Variants in SNTG1 observed in about 807,000 individuals in gnomAD.
The protein encoded by SNTG1 is syntrophin gamma 1, also known as gamma-1-syntrophin.
SNTG1 carries 39 observed loss-of-function variants against 74.7 expected under a neutral mutation model. The observed-to-expected ratio is 0.52, with a 90% CI of 0.40 to 0.68. The LOEUF (loss-of-function observed/expected upper bound fraction) is 0.68. SNTG1 is among the 30% of genes least tolerant of loss of function. The pLI is 0.00. For missense variants in SNTG1, 685 were observed against 609.5 expected, an observed-to-expected ratio of 1.12 and a Z score of -1.30; for synonymous variants, 254 against 217.1, an observed-to-expected ratio of 1.17 and a Z score of -1.49.
At chr8:50,188,744 A>C (rs757878247) in intron 2 of SNTG1, among the ~76,000 whole-genome samples, 2 of 152,064 alleles carry the variant, frequency 1.3e-5, no homozygotes, top group Non-Finnish European at 2.9e-5. Flanking sequence ...TTCACAATGG[A>C]CTATCTATTA....
intron 1 of SNTG1, among the ~76,000 whole-genome samples, chr8:49,978,503 T>A (rs1812389371): frequency 6.6e-6 from 1 of 152,214 alleles, no homozygotes. Context: ...CCTTCATTCA[T>A]GGCCACGATC....
At chr8:50,631,208 G>T (rs2094994993) in intron 13 of SNTG1, among the ~76,000 whole-genome samples, 1 of 152,156 alleles carries the variant, frequency 6.6e-6, no homozygotes, top group Admixed American at 6.5e-5. Flanking sequence ...AAATATTCTT[G>T]TCTTTTTCTG....
chr8:50,288,925 C>A (rs1431672637), intron 2 of SNTG1, among the ~76,000 whole-genome samples: 1 of 151,954 alleles, frequency 6.6e-6, no homozygotes, highest in Non-Finnish European at 1.5e-5. Context: ...AGAGCTGTGT[C>A]CTAAGGTTAA....
Position 50,298,106 on chromosome 8 carries a change from G to A in SNTG1, c.-27-96106G>A, listed in dbSNP as rs898395014. On this transcript the variant is annotated intron_variant, in intron 2 of 18. Transcript: ENST00000642720. ...GCTTTACACCTGCTCATCCCTCTCC[G>A]CAAGATAAAGGCCTGATCCAACGGC... Among the ~76,000 whole-genome samples, 11 of 151,800 alleles carry A rather than the reference G, an allele frequency of 7.2e-5. No homozygotes were observed. The East Asian group carries it at 9.7e-4, about 13-fold the overall frequency.
At chr8:50,256,841 A>T (rs1034233980) in intron 2 of SNTG1, among the ~76,000 whole-genome samples, 3 of 152,064 alleles carry the variant, frequency 2.0e-5, no homozygotes, top group South Asian at 2.1e-4. Context: ...TCCTAAGAGC[A>T]TACGTCAAAT....
chr8:50,421,285 G>A (rs1033346123), intron 4 of SNTG1, among the ~76,000 whole-genome samples: 14 of 152,100 alleles, frequency 9.2e-5, no homozygotes, highest in African/African-American at 1.9e-4. Flanking sequence ...GCAGAGAAGC[G>A]TTCGGGGCTG....
intron 9 of SNTG1, among the ~76,000 whole-genome samples, chr8:50,510,949 T>C (rs2094066525): frequency 6.6e-6 from 1 of 152,196 alleles, no homozygotes; most frequent in African/African-American, 2.4e-5. Flanking sequence ...ATTTCTTGCT[T>C]TCTGCTAACT....
rs928380159 is a variant in SNTG1 at position 49,911,551 on chromosome 8, C to T, written c.-783C>T. On this transcript the variant is annotated 5_prime_UTR_variant, in exon 1 of 19. Coordinates refer to ENST00000642720, the MANE Select transcript of SNTG1 (RefSeq NM_018967.5). ...AATTTGGAGAAACAATTAGCCCCTA[C>T]AAAAAAAAAAAAGAAAGAAAAAAGA... is the stretch of plus-strand genomic sequence containing the variant. 3 of 80,548 alleles carry T rather than the reference C, an allele frequency of 3.7e-5. No homozygotes were observed. The South Asian group carries it at 1.2e-3, about 32-fold the overall frequency. 5.0% of individuals were successfully genotyped at this position (80,548 alleles called of 1,614,324 possible). A position where few individuals can be genotyped will look rare whatever the true frequency, so the allele number is the denominator to read the frequency against.
chr8:50,002,025 G>A (rs1016442030), intron 1 of SNTG1, among the ~76,000 whole-genome samples: 1 of 152,012 alleles, frequency 6.6e-6, no homozygotes, highest in African/African-American at 2.4e-5. Context: ...GTTTCTGAGC[G>A]GCACTTCACC....
Position 50,794,458 on chromosome 8 carries a change from C to A in SNTG1, c.*1629C>A, listed in dbSNP as rs2095699915. The A allele has an allele frequency of 6.6e-6, 1 of 151,950 alleles. No individual in the cohort carries two copies. Among genetic ancestry groups the A allele is most frequent in the Admixed American group, 6.6e-5 (1 of 15,200 alleles). The allele number at this position is 151,950 out of a possible 1,614,324, so 9.4% of individuals were successfully genotyped here. A position where few individuals can be genotyped will look rare whatever the true frequency, so the allele number is the denominator to read the frequency against. On this transcript the variant is annotated 3_prime_UTR_variant, in exon 19 of 19. Coordinates refer to ENST00000642720, the MANE Select transcript of SNTG1 (RefSeq NM_018967.5). ...AATCTAACATACCTTACCCAAAGAA[C>A]TGTGGCAAATTACAATAAACAGTTT...
At chr8:50,671,930 A>T (rs555624999) in intron 15 of SNTG1, among the ~76,000 whole-genome samples, 42 of 151,392 alleles carry the variant, frequency 2.8e-4, no homozygotes, top group Admixed American at 7.3e-4. Flanking sequence ...CATTCTCAGT[A>T]AACTATCGCA....
chr8:50,599,201 C>T (rs2094754574), intron 13 of SNTG1, among the ~76,000 whole-genome samples: 1 of 151,990 alleles, frequency 6.6e-6, no homozygotes, highest in South Asian at 2.1e-4. Context: ...TCTGGGTTCT[C>T]TATTCTGTTC....
chr8:49,936,212 A>C (rs1244554832), intron 1 of SNTG1, among the ~76,000 whole-genome samples: 6 of 152,292 alleles, frequency 3.9e-5, no homozygotes, highest in African/African-American at 1.4e-4. Flanking sequence ...GTTAACCAAA[A>C]TGTTGTCAGC....
At chr8:49,954,931 G>A (rs908124177) in intron 1 of SNTG1, among the ~76,000 whole-genome samples, 1 of 152,164 alleles carries the variant, frequency 6.6e-6, no homozygotes, top group Non-Finnish European at 1.5e-5. Flanking sequence ...ATTCCAGTAA[G>A]CAGAATGTTT....
At chr8:50,274,528 A>T (rs12675367) in intron 2 of SNTG1, among the ~76,000 whole-genome samples, 2 of 151,986 alleles carry the variant, frequency 1.3e-5, no homozygotes, top group East Asian at 3.9e-4. Flanking sequence ...TTCAATTTGT[A>T]TATTTTAAAA....
chr8:50,499,274 T>C (rs1430500634), intron 8 of SNTG1, among the ~76,000 whole-genome samples: 1 of 151,916 alleles, frequency 6.6e-6, no homozygotes, highest in African/African-American at 2.4e-5. Flanking sequence ...TTTTGTTAGA[T>C]TGATACATAA....
chr8:50,413,997 G>T (rs2131411717), intron 4 of SNTG1, among the ~76,000 whole-genome samples: 1 of 152,050 alleles, frequency 6.6e-6, no homozygotes, highest in East Asian at 1.9e-4. Context: ...AATCTTGTTA[G>T]ACAATCCTAT....
chr8:50,637,460 T>C (rs1005726107), intron 13 of SNTG1, among the ~76,000 whole-genome samples: 43 of 152,130 alleles, frequency 2.8e-4, no homozygotes, highest in Non-Finnish European at 3.1e-4. Flanking sequence ...AAATCATTAT[T>C]ACTTTTAAGG....
At chr8:50,291,019 G>T (rs542035607) in intron 2 of SNTG1, among the ~76,000 whole-genome samples, 10 of 152,206 alleles carry the variant, frequency 6.6e-5, no homozygotes, top group African/African-American at 1.7e-4. Flanking sequence ...GCCTCCCAAA[G>T]TGCTGGGACT....
Sources: allele counts gnomAD v4.1 joint callset (sites outside exome capture counted in the v4.1 genomes callset), GRCh38; gene constraint gnomAD v4.1.1; transcripts MANE v1.5; gene names NCBI Gene and HGNC (gene_info 2026-07-23, HGNC 2026-07-21).